Variants in BMP6 observed in about 807,000 individuals in gnomAD.
BMP6 encodes VG-1-R.
A neutral mutation model predicts 54.1 loss-of-function variants in BMP6; 17 were observed. That is an observed-to-expected ratio of 0.31 (90% CI 0.22 to 0.47). The LOEUF (loss-of-function observed/expected upper bound fraction) is 0.47, where lower values mean the gene tolerates loss of function less well. Among genes scored for constraint, BMP6 ranks in the 20% least tolerant of loss-of-function variants. BMP6 has a pLI of 1.00. For synonymous variants in BMP6, 328 were observed against 291.2 expected, an observed-to-expected ratio of 1.13 and a Z score of -1.28; for missense variants, 720 against 690.4, an observed-to-expected ratio of 1.04 and a Z score of -0.48.
chr6:7,769,868 CATA>C (rs1434424698), intron 1 of BMP6, among the ~76,000 whole-genome samples: 1 of 152,104 alleles, frequency 6.6e-6, no homozygotes, highest in African/African-American at 2.4e-5. Flanking sequence ...TCAAATAGAT[CATA>C]ATGACAACAG....
intron 4 of BMP6, among the ~76,000 whole-genome samples, chr6:7,875,398 C>A (rs543655392): frequency 1.3e-5 from 2 of 152,236 alleles, no homozygotes; most frequent in Admixed American, 1.3e-4. Context: ...TTAACAGTTG[C>A]CAGACTCAGT....
At position 7,795,947 on chromosome 6, in the gene BMP6, G is replaced by A. The variant is rs534057594; in HGVS notation, c.665-49193G>A. Among the ~76,000 whole-genome samples the A allele has an allele frequency of 1.6e-4, 25 of 152,274 alleles. 1 individual carries two copies. Among genetic ancestry groups the A allele is most frequent in the African/African-American group, 6.0e-4 (25 of 41,562 alleles). ...ACATGATGAGTTCAGTTTGACATATGTTGAATTTGAGGTATCCTTGGGAGA... is the reference window on the plus strand; with the variant it reads ...ACATGATGAGTTCAGTTTGACATATATTGAATTTGAGGTATCCTTGGGAGA... On this transcript the variant is annotated intron_variant, in intron 1 of 6. Coordinates refer to ENST00000283147, the MANE Select transcript of BMP6 (RefSeq NM_001718.6).
intron 1 of BMP6, among the ~76,000 whole-genome samples, chr6:7,806,588 AAAAAACAAAAAC>A (rs1211897631): frequency 6.6e-6 from 1 of 152,230 alleles, no homozygotes; most frequent in Admixed American, 6.5e-5. Flanking sequence ...TGACAACCAG[AAAAAACAAAAAC>A]AAAAACAAAA....
intron 1 of BMP6, among the ~76,000 whole-genome samples, chr6:7,776,598 T>C (rs2113162193): frequency 6.6e-6 from 1 of 152,326 alleles, no homozygotes; most frequent in East Asian, 1.9e-4. Flanking sequence ...TGTGTGTCAT[T>C]CCCCAACTTT....
At chr6:7,822,282 A>C (rs893215459) in intron 1 of BMP6, among the ~76,000 whole-genome samples, 6 of 152,176 alleles carry the variant, frequency 3.9e-5, no homozygotes, top group African/African-American at 1.2e-4. Flanking sequence ...GGCCTCCCAA[A>C]GTGTTGGGAT....
At chr6:7,754,030 G>T (rs900695897) in intron 1 of BMP6, among the ~76,000 whole-genome samples, 5 of 152,154 alleles carry the variant, frequency 3.3e-5, no homozygotes, top group African/African-American at 2.4e-5. Flanking sequence ...CCCTTCAAAA[G>T]AATATGTGTT....
In BMP6 at chr6:7,727,604, A is replaced by T; in HGVS notation, c.649A>T (p.Ser217Cys). The part of the protein sequence containing the change: ...AFLNDADMVM[S>C]FVNLVEYDKE... ...CCTCAACGACGCGGACATGGTCATG[A>T]GCTTTGTGAACCTGGGTAAGGATTT... Residue 217 changes from serine (S) to cysteine (C), a missense_variant, in exon 1 of 7, where the codon AGC becomes TGC. Transcript: ENST00000283147. 10 of 1,560,908 alleles carry T rather than the reference A, an allele frequency of 6.4e-6. No homozygotes were observed. Among genetic ancestry groups the T allele is most frequent in the Non-Finnish European group, 7.7e-6 (9 of 1,162,518 alleles).
intron 2 of BMP6, among the ~76,000 whole-genome samples, chr6:7,854,858 G>C (rs1759201320): frequency 6.6e-6 from 1 of 152,206 alleles, no homozygotes; most frequent in Non-Finnish European, 1.5e-5. Flanking sequence ...TTGATCACTA[G>C]TGAAGATTAG....
intron 1 of BMP6, among the ~76,000 whole-genome samples, chr6:7,801,421 T>C: frequency 6.6e-6 from 1 of 152,268 alleles, no homozygotes; most frequent in East Asian, 1.9e-4. Context: ...TCTGAATAAA[T>C]CCTTAAGAGC....
At chr6:7,797,373 C>G (rs527977719) in intron 1 of BMP6, among the ~76,000 whole-genome samples, 5 of 152,302 alleles carry the variant, frequency 3.3e-5, no homozygotes, top group African/African-American at 1.2e-4. Flanking sequence ...TCAGCTTTCT[C>G]TTGGCATCCG....
intron 1 of BMP6, among the ~76,000 whole-genome samples, chr6:7,788,860 A>T (rs540120549): frequency 4.8e-5 from 7 of 145,044 alleles, no homozygotes; most frequent in Admixed American, 7.2e-5. Context: ...CCCTTATTCC[A>T]TCCTATCTCT....
rs1411026821 is a variant in BMP6 at position 7,865,318 on chromosome 6, C to T, written c.1204+2820C>T. ...CAGTACTTCCAAATTTGCTTTGTCC[C>T]TTTCAGTAGTACAAAGGCAAAAGGG... On this transcript the variant is annotated intron_variant, in intron 4 of 6. Coordinates refer to ENST00000283147, the MANE Select transcript of BMP6 (RefSeq NM_001718.6). Among the ~76,000 whole-genome samples, 4 of 152,124 alleles carry T rather than the reference C, an allele frequency of 2.6e-5. No individual in the cohort carries two copies. In the East Asian group the frequency reaches 7.7e-4, roughly 29 times the overall value.
chr6:7,735,755 A>G (rs907612182), intron 1 of BMP6, among the ~76,000 whole-genome samples: 3 of 152,164 alleles, frequency 2.0e-5, no homozygotes, highest in Non-Finnish European at 4.4e-5. Flanking sequence ...CATCATTGTC[A>G]CCTAAAGTCT....
intron 4 of BMP6, among the ~76,000 whole-genome samples, chr6:7,866,118 G>A (rs1464235690): frequency 6.6e-6 from 1 of 152,216 alleles, no homozygotes; most frequent in Non-Finnish European, 1.5e-5. Context: ...ACGTCTCCCT[G>A]GATGGCTTTC....
intron 1 of BMP6, among the ~76,000 whole-genome samples, chr6:7,736,329 G>A (rs1008654408): frequency 4.6e-5 from 7 of 152,126 alleles, no homozygotes; most frequent in African/African-American, 9.7e-5. Flanking sequence ...GAATGAACAA[G>A]AATTATAGGA....
At chr6:7,871,495 C>T (rs921587861) in intron 4 of BMP6, among the ~76,000 whole-genome samples, 3 of 152,344 alleles carry the variant, frequency 2.0e-5, no homozygotes, top group Admixed American at 2.0e-4. Flanking sequence ...TCTGTGTCAC[C>T]TGATCACTCA....
intron 1 of BMP6, 150 bp downstream of exon 1, chr6:7,727,769 C>T (rs1761769669): frequency 1.0e-6 from 1 of 999,334 alleles, no homozygotes; most frequent in African/African-American, 1.7e-5. Context: ...GCTGTGCTCC[C>T]GCCACCTGCG....
intron 4 of BMP6, among the ~76,000 whole-genome samples, chr6:7,864,436 A>G (rs1759385739): frequency 6.6e-6 from 1 of 152,230 alleles, no homozygotes; most frequent in South Asian, 2.1e-4. Flanking sequence ...TTTATATGCC[A>G]TTGTAGGAAG....
chr6:7,824,891 A>C (rs1393711401), intron 1 of BMP6, among the ~76,000 whole-genome samples: 1 of 152,196 alleles, frequency 6.6e-6, no homozygotes, highest in East Asian at 1.9e-4. Flanking sequence ...GATGGGAAAA[A>C]GGGAAAAGGT....
Sources: gnomAD v4.1 joint callset for allele counts (sites outside exome capture counted in the v4.1 genomes callset) on GRCh38, gnomAD v4.1.1 for gene constraint, MANE v1.5 for transcripts, NCBI Gene and HGNC (gene_info 2026-07-23, HGNC 2026-07-21) for gene names.